Variants in GPR39 observed in about 807,000 individuals in gnomAD.
GPR39 encodes the protein G protein-coupled receptor 39, also known as zinc sensing receptor.
A neutral mutation model predicts 18.4 loss-of-function variants in GPR39; 23 were observed. That is an observed-to-expected ratio of 1.25 (90% CI 0.90 to 1.77). The LOEUF (loss-of-function observed/expected upper bound fraction) is 1.77, where lower values mean the gene tolerates loss of function less well. Ranked by LOEUF, GPR39 falls within the 40% of genes most tolerant of loss-of-function variation. GPR39 has a pLI of 0.00. For missense variants in GPR39, 647 were observed against 602.4 expected (o/e 1.07, Z -0.78); for synonymous variants, 280 against 257.9 (o/e 1.09, Z -0.82).
chr2:132,529,831 T>A (rs374608095), intron 1 of GPR39, among the ~76,000 whole-genome samples: 25 of 151,856 alleles, frequency 1.6e-4, no homozygotes, highest in African/African-American at 5.8e-4. Flanking sequence ...AGAAAGGACA[T>A]CCACACCAAA....
chr2:132,519,354 G>A lies in GPR39; in HGVS notation c.856+101456G>A, dbSNP rs374373995. Reference sequence around the variant, plus strand: ...TGAAGCCTGACTTCCCACTAGTACTGTTGCTTTGACATCAAATAGGGCATG... The same window carrying A: ...TGAAGCCTGACTTCCCACTAGTACTATTGCTTTGACATCAAATAGGGCATG... On this transcript the variant is annotated intron_variant, in intron 1 of 1. Coordinates refer to ENST00000329321, the MANE Select transcript of GPR39 (RefSeq NM_001508.3). Among the ~76,000 whole-genome samples the A allele has an allele frequency of 1.8e-4, 28 of 152,248 alleles. No homozygotes were observed. The East Asian group carries it at 5.0e-3, about 27-fold the overall frequency.
chr2:132,468,536 A>G (rs1333598908), intron 1 of GPR39, among the ~76,000 whole-genome samples: 4 of 152,230 alleles, frequency 2.6e-5, no homozygotes, highest in African/African-American at 9.6e-5. Context: ...AGGGATGTGA[A>G]TGAGTGTCAT....
At chr2:132,600,828 G>A (rs1681030344) in intron 1 of GPR39, among the ~76,000 whole-genome samples, 1 of 152,064 alleles carries the variant, frequency 6.6e-6, no homozygotes, top group African/African-American at 2.4e-5. Flanking sequence ...GGGCACAAGT[G>A]GTTTTTGTTT....
chr2:132,555,475 G>A (rs1018801865), intron 1 of GPR39, among the ~76,000 whole-genome samples: 14 of 152,242 alleles, frequency 9.2e-5, no homozygotes, highest in African/African-American at 2.9e-4. Context: ...GTGCACTCAC[G>A]CAACTGGCAA....
At chr2:132,539,891 G>A (rs981776445) in intron 1 of GPR39, among the ~76,000 whole-genome samples, 2 of 152,114 alleles carry the variant, frequency 1.3e-5, no homozygotes, top group African/African-American at 2.4e-5. Flanking sequence ...TCACATAGGA[G>A]GTTTCCAGGC....
chr2:132,502,591 C>T (rs1033331875), intron 1 of GPR39, among the ~76,000 whole-genome samples: 7 of 152,086 alleles, frequency 4.6e-5, no homozygotes, highest in Admixed American at 2.6e-4. Context: ...GTTCTTTGGG[C>T]GTCTTATATT....
At chr2:132,552,193 T>A (rs1680056326) in intron 1 of GPR39, among the ~76,000 whole-genome samples, 1 of 152,206 alleles carries the variant, frequency 6.6e-6, no homozygotes, top group African/African-American at 2.4e-5. Context: ...ATTTGATATA[T>A]TAATAGTTTG....
chr2:132,485,689 G>A (rs1163100099), intron 1 of GPR39, among the ~76,000 whole-genome samples: 1 of 152,166 alleles, frequency 6.6e-6, no homozygotes, highest in Non-Finnish European at 1.5e-5. Flanking sequence ...ATGAGATTGT[G>A]GCAATTCAAT....
intron 1 of GPR39, among the ~76,000 whole-genome samples, chr2:132,421,623 A>G (rs1430763944): frequency 6.6e-6 from 1 of 152,232 alleles, no homozygotes; most frequent in East Asian, 1.9e-4. Flanking sequence ...TATTGAATAT[A>G]GACATTATTC....
At chr2:132,442,517 G>A (rs1436486769) in intron 1 of GPR39, among the ~76,000 whole-genome samples, 5 of 152,190 alleles carry the variant, frequency 3.3e-5, no homozygotes, top group South Asian at 2.1e-4. Flanking sequence ...CTGGTCCTGC[G>A]TCCTTGAAAC....
intron 1 of GPR39, among the ~76,000 whole-genome samples, chr2:132,642,087 A>G (rs1290214622): frequency 6.6e-6 from 1 of 152,254 alleles, no homozygotes; most frequent in African/African-American, 2.4e-5. Flanking sequence ...ATGGGAAATT[A>G]GCAGAGTGCT....
intron 1 of GPR39, among the ~76,000 whole-genome samples, chr2:132,594,718 T>C (rs6761828): frequency 0.54 from 82,040 of 151,450 alleles, 22,908 homozygotes; most frequent in African/African-American, 0.67. Context: ...CCGAGATACC[T>C]CTTAAAGACA....
intron 1 of GPR39, among the ~76,000 whole-genome samples, chr2:132,532,003 G>C (rs887664340): frequency 2.0e-5 from 3 of 152,158 alleles, no homozygotes; most frequent in Non-Finnish European, 4.4e-5. Flanking sequence ...TAAGATCAGA[G>C]CAGAACTGAA....
chr2:132,608,932 G>A (rs922923614), intron 1 of GPR39, among the ~76,000 whole-genome samples: 8 of 152,176 alleles, frequency 5.3e-5, no homozygotes, highest in African/African-American at 1.9e-4. Flanking sequence ...CAGTGTTTCA[G>A]GAGACCTGCC....
At chr2:132,489,021 C>T (rs1259811317) in intron 1 of GPR39, 2 of 169,554 alleles carry the variant, frequency 1.2e-5, no homozygotes, top group East Asian at 3.5e-4. Context: ...CAGCCTGCTC[C>T]ACGTTTACCT....
At chr2:132,441,533 G>T (rs1680439216) in intron 1 of GPR39, among the ~76,000 whole-genome samples, 1 of 152,190 alleles carries the variant, frequency 6.6e-6, no homozygotes, top group African/African-American at 2.4e-5. Flanking sequence ...AAAATGAAAT[G>T]CTGGGCTTGG....
intron 1 of GPR39, among the ~76,000 whole-genome samples, chr2:132,492,536 TACACC>T (rs1347719919): frequency 7.0e-6 from 1 of 142,002 alleles, no homozygotes; most frequent in East Asian, 2.2e-4. Context: ...ACCATATATA[TACACC>T]ATATATATAC....
rs1023274425 is a variant in GPR39 at position 132,416,979 on chromosome 2, G to A, written c.-64G>A. 5.1e-6 allele frequency: 8 copies of A among 1,555,624 alleles called. No individual in the cohort carries two copies. The East Asian group carries it at 1.4e-4, about 26-fold the overall frequency. ...GAGTTTGCAGCCAAGAATTTTGGAC[G>A]CTGCTGGGAGGAGAAAGGGAAGTTG... On this transcript the variant is annotated 5_prime_UTR_variant, in exon 1 of 2. Coordinates refer to ENST00000329321, the MANE Select transcript of GPR39 (RefSeq NM_001508.3).
intron 1 of GPR39, among the ~76,000 whole-genome samples, chr2:132,459,785 T>G (rs2104776323): frequency 6.6e-6 from 1 of 152,358 alleles, no homozygotes; most frequent in African/African-American, 2.4e-5. Flanking sequence ...GATAAAGAAC[T>G]GTGGGTAAGT....
Sources: allele counts gnomAD v4.1 joint callset (sites outside exome capture counted in the v4.1 genomes callset), GRCh38; gene constraint gnomAD v4.1.1; transcripts MANE v1.5; gene names NCBI Gene and HGNC (gene_info 2026-07-23, HGNC 2026-07-21).